The following ARFIP1 variants were observed in gnomAD, a reference collection of about 807,000 sequenced individuals.
ARFIP1 encodes arfaptin-1.
A neutral mutation model predicts 42.5 loss-of-function variants in ARFIP1; 24 were observed. The observed-to-expected ratio is 0.57, with a 90% confidence interval of 0.41 to 0.80. The LOEUF (loss-of-function observed/expected upper bound fraction) is 0.80. Among genes scored for constraint, ARFIP1 ranks in the 30% least tolerant of loss-of-function variants. ARFIP1 has a pLI of 0.00. For synonymous variants in ARFIP1, 141 were observed against 153.7 expected (o/e 0.92, Z 0.61); for missense variants, 354 against 434.0 (o/e 0.82, Z 1.64).
At chr4:152,792,002 A>G (rs932846943) in intron 1 of ARFIP1, among the ~76,000 whole-genome samples, 1 of 152,190 alleles carries the variant, frequency 6.6e-6, no homozygotes, top group Non-Finnish European at 1.5e-5. Context: ...TCCATGAATG[A>G]GAAAAGATGG....
intron 2 of ARFIP1, among the ~76,000 whole-genome samples, chr4:152,863,308 T>C (rs1734036443): frequency 6.6e-6 from 1 of 152,246 alleles, no homozygotes; most frequent in Admixed American, 6.5e-5. Context: ...AAAATAATTT[T>C]TCTGATGTAT....
intron 1 of ARFIP1, among the ~76,000 whole-genome samples, chr4:152,800,030 G>A (rs1731704756): frequency 6.6e-6 from 1 of 152,038 alleles, no homozygotes. Flanking sequence ...TGTGTTTTTA[G>A]CTATACCCAA....
At chr4:152,901,468 T>C (rs532533827) in intron 8 of ARFIP1, among the ~76,000 whole-genome samples, 3 of 152,326 alleles carry the variant, frequency 2.0e-5, no homozygotes, top group Non-Finnish European at 4.4e-5. Context: ...GTATGATATG[T>C]TTAGGTCACT....
intron 2 of ARFIP1, among the ~76,000 whole-genome samples, chr4:152,844,071 C>G (rs1732341415): frequency 6.6e-6 from 1 of 152,196 alleles, no homozygotes; most frequent in African/African-American, 2.4e-5. Flanking sequence ...GCTAGGGGAC[C>G]CAGCGAGCTC....
Position 152,881,016 on chromosome 4 carries a change from C to T in ARFIP1, c.465C>T (p.Asp155=). 8.1e-6 allele frequency: 13 copies of T among 1,613,760 alleles called. No individual in the cohort carries two copies. The highest frequency in any genetic ancestry group is 1.1e-5 in the Non-Finnish European group (13 of 1,179,828). The change falls in exon 6 of 9, where the codon GAC becomes GAT. Residue 155 remains aspartate, a synonymous_variant. Transcript: ENST00000353617. ...TAGGCCGTGGCTCAAGAACTGTGGA[C>T]CTTGAACTTGAAGCTCAGATTGATA... ...EKLGRGSRTV[D]LELEAQIDIL...
chr4:152,862,439 G>A (rs1310283039), intron 2 of ARFIP1, among the ~76,000 whole-genome samples: 2 of 148,846 alleles, frequency 1.3e-5, no homozygotes, highest in African/African-American at 5.0e-5. Flanking sequence ...TGTATGTTTT[G>A]TCCTAGGTTT....
chr4:152,859,779 C>T (rs1733733073), intron 2 of ARFIP1, among the ~76,000 whole-genome samples: 1 of 151,196 alleles, frequency 6.6e-6, no homozygotes. Context: ...TCTATTTCTA[C>T]TAAAGGTGTC....
At chr4:152,900,504 T>C (rs1026943704) in intron 8 of ARFIP1, among the ~76,000 whole-genome samples, 1 of 152,188 alleles carries the variant, frequency 6.6e-6, no homozygotes, top group Admixed American at 6.5e-5. Context: ...ACCCCACTTG[T>C]AGTTCATATT....
At chr4:152,840,832 C>T (rs1348728588) in intron 2 of ARFIP1, among the ~76,000 whole-genome samples, 1 of 150,780 alleles carries the variant, frequency 6.6e-6, no homozygotes, top group Non-Finnish European at 1.5e-5. Context: ...GATTCTCCTA[C>T]CTCAGCCTCC....
chr4:152,793,341 T>A (rs972375411), intron 1 of ARFIP1, among the ~76,000 whole-genome samples: 6 of 147,706 alleles, frequency 4.1e-5, no homozygotes, highest in East Asian at 2.0e-4. Flanking sequence ...TATATATATA[T>A]AATATATATA....
chr4:152,797,945 C>T (rs371466497), intron 1 of ARFIP1, among the ~76,000 whole-genome samples: 3 of 151,940 alleles, frequency 2.0e-5, no homozygotes, highest in East Asian at 1.9e-4. Context: ...TGGCTAATAC[C>T]GCTGGTATGA....
At chr4:152,789,617 C>G (rs1342466208) in intron 1 of ARFIP1, among the ~76,000 whole-genome samples, 3 of 152,126 alleles carry the variant, frequency 2.0e-5, no homozygotes, top group African/African-American at 7.2e-5. Context: ...TTTGAAAAAT[C>G]TTCTATAAGA....
intron 5 of ARFIP1, among the ~76,000 whole-genome samples, chr4:152,873,240 C>T (rs916294125): frequency 3.3e-5 from 5 of 152,184 alleles, no homozygotes; most frequent in African/African-American, 4.8e-5. Context: ...CAGGTTAGAA[C>T]ATTAGCCACA....
chr4:152,877,966 A>G (rs1735510031), intron 5 of ARFIP1, among the ~76,000 whole-genome samples: 1 of 152,194 alleles, frequency 6.6e-6, no homozygotes, highest in Non-Finnish European at 1.5e-5. Context: ...AGTCTCAGGT[A>G]TGTCTTTATC....
chr4:152,804,184 TTA>T lies in ARFIP1; in HGVS notation c.-10+23965_-10+23966del, dbSNP rs1182879262. ...TATATAATATAACATGTATTATATA[TTA>T]TATATAATATAACATGTATTATATA... On this transcript the variant is annotated intron_variant, in intron 1 of 8. Transcript: ENST00000353617. Among the ~76,000 whole-genome samples, 3 of 118,118 alleles carry T rather than the reference TTA, an allele frequency of 2.5e-5. 1 individual carries two copies. In the East Asian group the frequency reaches 6.7e-4, roughly 26 times the overall value. The allele number at this position is 118,118 out of a possible 152,430, so 77.5% of individuals were successfully genotyped here. A position where few individuals can be genotyped will look rare whatever the true frequency, so the allele number is the denominator to read the frequency against.
chr4:152,831,553 G>A (rs906097600), intron 2 of ARFIP1, among the ~76,000 whole-genome samples: 2 of 152,138 alleles, frequency 1.3e-5, no homozygotes, highest in African/African-American at 4.8e-5. Flanking sequence ...ACATTTCCAG[G>A]ACCTCAGAAG....
intron 1 of ARFIP1, among the ~76,000 whole-genome samples, chr4:152,803,220 G>A (rs1728562825): frequency 6.6e-6 from 1 of 152,118 alleles, no homozygotes; most frequent in South Asian, 2.1e-4. Context: ...AAAGTTTGCT[G>A]GAGTGCTGTT....
At chr4:152,840,533 C>T (rs1391628140) in intron 2 of ARFIP1, among the ~76,000 whole-genome samples, 1 of 152,104 alleles carries the variant, frequency 6.6e-6, no homozygotes, top group Admixed American at 6.6e-5. Flanking sequence ...ATTGCTGTTG[C>T]TTTAAAATTT....
chr4:152,795,819 A>ATGTTTTTTTTTTTTTTTTTT (rs1255846759), intron 1 of ARFIP1, among the ~76,000 whole-genome samples: 1 of 16,774 alleles, frequency 6.0e-5, no homozygotes, highest in Non-Finnish European at 1.2e-4. Flanking sequence ...GGGCCCTTGT[A>ATGTTTTTTTTTTTTTTTTTT]ATTTTTTTTT....
Sources: gnomAD v4.1 joint callset for allele counts (sites outside exome capture counted in the v4.1 genomes callset) on GRCh38, gnomAD v4.1.1 for gene constraint, MANE v1.5 for transcripts, NCBI Gene and HGNC (gene_info 2026-07-23, HGNC 2026-07-21) for gene names.